The following TXNDC12 variants were observed in gnomAD, a reference collection of about 807,000 sequenced individuals.
The protein encoded by TXNDC12 is thioredoxin domain-containing protein 12.
TXNDC12 carries 22 observed loss-of-function variants against 24.2 expected under a neutral mutation model. The ratio of observed to expected loss-of-function variants is 0.91; its 90% CI spans 0.65 to 1.30. The LOEUF is 1.30. TXNDC12 is among the 50% of genes most tolerant of loss of function. The pLI, the probability that TXNDC12 is intolerant of heterozygous loss-of-function variation, is 0.00. For synonymous variants in TXNDC12, 58 were observed against 73.4 expected, an observed-to-expected ratio of 0.79 and a Z score of 1.07; for missense variants, 184 against 205.8, an observed-to-expected ratio of 0.89 and a Z score of 0.65.
chr1:52,032,691 C>T, intron 2 of TXNDC12: 1 of 1,587,880 alleles, frequency 6.3e-7, no homozygotes, highest in Non-Finnish European at 8.6e-7. Flanking sequence ...CCCCTACCTC[C>T]TCTGGTCAGT....
In TXNDC12 at chr1:52,038,884, CTT is replaced by C. The variant is rs762428470; in HGVS notation, c.158+2651_158+2652del. Among the ~76,000 whole-genome samples the C allele has an allele frequency of 4.8e-4, 60 of 125,710 alleles. 1 individual carries two copies. The highest frequency in any genetic ancestry group is 1.1e-3 in the Admixed American group (12 of 11,218). The allele number at this position is 125,710 out of a possible 152,430, so 82.5% of individuals were successfully genotyped here. On this transcript the variant is annotated intron_variant, in intron 2 of 6. Transcript: ENST00000371626. ...CTACAGTGACAACTTCATGAATTTT[CTT>C]TTTTTTTTCTTTTTCTGTTTTTTTT...
Position 52,020,821 on chromosome 1 carries a change from G to C in TXNDC12, c.*112C>G. On this transcript the variant is annotated 3_prime_UTR_variant, in exon 7 of 7. Transcript: ENST00000371626. ...GAGAGCGCTCCTTCCAGTGTAGGTAGGAATGAGGTTTCCTGGTCGGCTTAA... is the reference window on the plus strand; with the variant it reads ...GAGAGCGCTCCTTCCAGTGTAGGTACGAATGAGGTTTCCTGGTCGGCTTAA... 3 of 829,868 alleles carry C rather than the reference G, an allele frequency of 3.6e-6. No homozygotes were observed. The highest frequency in any genetic ancestry group is 5.9e-6 in the Non-Finnish European group (3 of 510,166). The allele number at this position is 829,868 out of a possible 1,614,324, so 51.4% of individuals were successfully genotyped here. A position where few individuals can be genotyped will look rare whatever the true frequency, so the allele number is the denominator to read the frequency against.
In TXNDC12 at chr1:52,023,527, G is replaced by A. The variant is rs754723918; in HGVS notation, c.403C>T (p.Pro135Ser). 3 of 1,613,976 alleles carry A rather than the reference G, an allele frequency of 1.9e-6. No individual in the cohort carries two copies. The highest frequency in any genetic ancestry group is 2.5e-6 in the Non-Finnish European group (3 of 1,179,948). ...HPEIINENGNPSYKYFYVSAE... is the reference protein window; with the variant it reads ...HPEIINENGNSSYKYFYVSAE... ...CTGACATAAAAATACTTGTAGCTGG[G>A]GTTTCCATTCTCATTGATGATTTCA... Residue 135 changes from proline (P) to serine (S), a missense_variant, in exon 6 of 7, where the codon CCC becomes TCC. By Grantham distance (74) the Pro-to-Ser change is moderately conservative. Coordinates refer to ENST00000371626, the MANE Select transcript of TXNDC12 (RefSeq NM_015913.4).
intron 1 of TXNDC12, among the ~76,000 whole-genome samples, chr1:52,045,122 C>A (rs542680481): frequency 2.6e-5 from 4 of 152,156 alleles, no homozygotes; most frequent in Middle Eastern, 3.4e-3. Flanking sequence ...ATTGAAGAAC[C>A]TTAAACATAT....
intron 2 of TXNDC12, among the ~76,000 whole-genome samples, chr1:52,035,965 C>T (rs2809960): frequency 0.037 from 5,563 of 152,204 alleles, 130 homozygotes; most frequent in African/African-American, 0.043. Flanking sequence ...TTAGAAAAAA[C>T]GGTGCCTTAC....
chr1:52,052,086 G>T (rs1444186626), intron 1 of TXNDC12, among the ~76,000 whole-genome samples: 2 of 152,128 alleles, frequency 1.3e-5, no homozygotes, highest in South Asian at 2.1e-4. Context: ...CAGCCCCACT[G>T]CCCTAAGCTG....
intron 1 of TXNDC12, among the ~76,000 whole-genome samples, chr1:52,043,491 ATG>A (rs1407922842): frequency 1.3e-5 from 2 of 151,740 alleles, no homozygotes; most frequent in East Asian, 3.9e-4. Context: ...GACATACCAC[ATG>A]TGTTATCTCA....
intron 1 of TXNDC12, among the ~76,000 whole-genome samples, chr1:52,042,060 C>T (rs551843278): frequency 3.3e-4 from 51 of 152,270 alleles, no homozygotes; most frequent in African/African-American, 1.2e-3. Context: ...CTCTCCAAGT[C>T]CCAATTTCTT....
At chr1:52,051,385 A>AT (rs890777225) in intron 1 of TXNDC12, among the ~76,000 whole-genome samples, 27 of 151,462 alleles carry the variant, frequency 1.8e-4, no homozygotes, top group African/African-American at 5.6e-4. Flanking sequence ...TTATTTATTT[A>AT]TTTTTTTTGA....
At chr1:52,036,667 G>A (rs1685887396) in intron 2 of TXNDC12, among the ~76,000 whole-genome samples, 1 of 152,138 alleles carries the variant, frequency 6.6e-6, no homozygotes, top group Non-Finnish European at 1.5e-5. Context: ...TATCTTAGAA[G>A]GGTCCATGTT....
chr1:52,033,621 C>T (rs1685822953), intron 2 of TXNDC12: 1 of 1,612,500 alleles, frequency 6.2e-7, no homozygotes, highest in Non-Finnish European at 8.5e-7. Context: ...CGCCGTACAC[C>T]GCTGGGTCCT....
Position 52,021,712 on chromosome 1 carries a change from G to C in TXNDC12, c.440-700C>G, listed in dbSNP as rs374206822. ...TTTCAGTATAGGCTCCTGAATGGTG[G>C]TTCTACAAAGCACCCCTATATAATG... is the stretch of plus-strand genomic sequence containing the variant. On this transcript the variant is annotated intron_variant, in intron 6 of 6. Transcript: ENST00000371626. Among the ~76,000 whole-genome samples the C allele has an allele frequency of 2.6e-5, 4 of 152,248 alleles. No homozygotes were observed. In the East Asian group the frequency reaches 7.7e-4, roughly 29 times the overall value.
At chr1:52,042,320 C>T (rs1686007805) in intron 1 of TXNDC12, among the ~76,000 whole-genome samples, 1 of 152,146 alleles carries the variant, frequency 6.6e-6, no homozygotes, top group Non-Finnish European at 1.5e-5. Flanking sequence ...CTTTCAAAGG[C>T]TTTCCAATGC....
At position 52,024,497 on chromosome 1, in the gene TXNDC12, T is replaced by C. The variant is rs1375767905; in HGVS notation, c.355+13A>G. On this transcript the variant is annotated intron_variant, in intron 5 of 6. Transcript: ENST00000371626. ...CACATCATGGATTCCCAGGTTAAGA[T>C]CATGTGCCTTACCCAGAAAAAGGAT... 1.9e-5 allele frequency: 30 copies of C among 1,603,746 alleles called. No individual in the cohort carries two copies. Among genetic ancestry groups the C allele is most frequent in the Non-Finnish European group, 2.3e-5 (27 of 1,171,330 alleles).
intron 2 of TXNDC12, chr1:52,034,080 C>G (rs1489783943): frequency 4.6e-6 from 6 of 1,304,056 alleles, no homozygotes; most frequent in Non-Finnish European, 5.8e-6. Flanking sequence ...TGTAAGCAAT[C>G]AGCACTATAT....
chr1:52,032,148 A>G (rs754197305), intron 2 of TXNDC12: 13 of 970,570 alleles, frequency 1.3e-5, no homozygotes, highest in Non-Finnish European at 1.6e-5. Context: ...TCTAGTAGAT[A>G]ACTTTCTTAC....
intron 6 of TXNDC12, among the ~76,000 whole-genome samples, chr1:52,022,274 GA>G (rs976053495): frequency 6.6e-6 from 1 of 152,140 alleles, no homozygotes. Context: ...TAGATGAGGG[GA>G]AAAGGAAGGA....
intron 2 of TXNDC12, chr1:52,034,194 C>T: frequency 1.6e-6 from 1 of 625,206 alleles, no homozygotes; most frequent in South Asian, 7.8e-5. Context: ...TTCAATCATT[C>T]AACATCTCCA....
chr1:52,033,516 G>A, intron 2 of TXNDC12: 2 of 1,613,990 alleles, frequency 1.2e-6, no homozygotes, highest in Non-Finnish European at 1.7e-6. Flanking sequence ...CTTTGATGTA[G>A]TTAAGCGAGT....
Sources: gnomAD v4.1 joint callset for allele counts (sites outside exome capture counted in the v4.1 genomes callset) on GRCh38, gnomAD v4.1.1 for gene constraint, MANE v1.5 for transcripts, NCBI Gene and HGNC (gene_info 2026-07-23, HGNC 2026-07-21) for gene names.